The following NRXN1 variants were observed in gnomAD, a reference collection of about 807,000 sequenced individuals.
The protein encoded by NRXN1 is neurexin-1.
NRXN1 carries 39 observed loss-of-function variants against 150.9 expected under a neutral mutation model. The ratio of observed to expected loss-of-function variants is 0.26; its 90% CI spans 0.20 to 0.34. The LOEUF is 0.34. Ranked by LOEUF, NRXN1 falls within the 10% of genes least tolerant of loss-of-function variation. The pLI is 1.00. For synonymous variants in NRXN1, 924 were observed against 757.0 expected (o/e 1.22, Z -3.62); for missense variants, 1,815 against 1,949.9 (o/e 0.93, Z 1.30).
intron 5 of NRXN1, among the ~76,000 whole-genome samples, chr2:50,665,885 T>A (rs1559096036): frequency 6.6e-6 from 1 of 151,982 alleles, no homozygotes; most frequent in African/African-American, 2.4e-5. Context: ...TTTATAAGCA[T>A]CTTCTTAAGA....
chr2:50,352,772 A>ATAC (rs2078509628), intron 17 of NRXN1, among the ~76,000 whole-genome samples: 1 of 96,068 alleles, frequency 1.0e-5, no homozygotes, highest in African/African-American at 3.7e-5. Context: ...AATAATAATA[A>ATAC]TAATATTATA....
At chr2:50,371,660 C>T (rs1381491915) in intron 17 of NRXN1, among the ~76,000 whole-genome samples, 1 of 151,944 alleles carries the variant, frequency 6.6e-6, no homozygotes, top group Admixed American at 6.6e-5. Context: ...ATTGTGTGTG[C>T]ACAGCTGTGC....
At chr2:50,097,474 C>G (rs1700375069) in intron 18 of NRXN1, among the ~76,000 whole-genome samples, 1 of 152,088 alleles carries the variant, frequency 6.6e-6, no homozygotes, top group South Asian at 2.1e-4. Flanking sequence ...TTTGCTTCTC[C>G]AGAGACTAAT....
chr2:50,924,233 G>A (rs1184772109), intron 3 of NRXN1, among the ~76,000 whole-genome samples: 2 of 151,662 alleles, frequency 1.3e-5, no homozygotes, highest in Admixed American at 1.3e-4. Context: ...CAATAAGGAT[G>A]GAAATTCACT....
chr2:50,370,834 C>T (rs540212298), intron 17 of NRXN1, among the ~76,000 whole-genome samples: 11 of 152,036 alleles, frequency 7.2e-5, no homozygotes, highest in African/African-American at 2.7e-4. Context: ...CTACTTAATT[C>T]CTTTGCTCTG....
intron 5 of NRXN1, chr2:50,919,815 T>A: frequency 6.1e-6 from 1 of 162,958 alleles, no homozygotes; most frequent in South Asian, 1.3e-4. Flanking sequence ...TAAGACAGAC[T>A]TGGATTGATG....
intron 22 of NRXN1, among the ~76,000 whole-genome samples, chr2:49,941,066 C>T (rs1258087263): frequency 6.6e-6 from 1 of 151,800 alleles, no homozygotes; most frequent in Non-Finnish European, 1.5e-5. Context: ...GACTTTGGTG[C>T]AGTAGAACAG....
At chr2:49,982,281 T>C (rs779863215) in intron 21 of NRXN1, among the ~76,000 whole-genome samples, 19 of 152,160 alleles carry the variant, frequency 1.2e-4, no homozygotes, top group Non-Finnish European at 1.9e-4. Context: ...TGAATGATGG[T>C]AGAGTTAATT....
rs535902232 is a variant in NRXN1 at position 50,884,399 on chromosome 2, G to C, written c.832+37470C>G. On this transcript the variant is annotated intron_variant, in intron 5 of 22. Coordinates refer to ENST00000401669, the MANE Select transcript of NRXN1 (RefSeq NM_001330078.2). ...CTAAATGAATACTTAAAATGAACTTGAGAAATGAGCTTTCAAATAATGCAT... is the reference window on the plus strand; with the variant it reads ...CTAAATGAATACTTAAAATGAACTTCAGAAATGAGCTTTCAAATAATGCAT... Among the ~76,000 whole-genome samples, 3 of 151,786 alleles carry C rather than the reference G, an allele frequency of 2.0e-5. No homozygotes were observed. The East Asian group carries it at 5.8e-4, about 30-fold the overall frequency.
At chr2:50,595,187 G>A (rs1164999056) in intron 8 of NRXN1, among the ~76,000 whole-genome samples, 1 of 152,052 alleles carries the variant, frequency 6.6e-6, no homozygotes, top group Non-Finnish European at 1.5e-5. Context: ...ACCTCAGTGT[G>A]CTGAGTATAA....
At chr2:50,769,224 C>G (rs925141811) in intron 5 of NRXN1, among the ~76,000 whole-genome samples, 1 of 152,020 alleles carries the variant, frequency 6.6e-6, no homozygotes, top group Non-Finnish European at 1.5e-5. Flanking sequence ...AAAAACACCT[C>G]TTTCCACCTA....
chr2:50,047,620 C>T (rs1249127774), intron 21 of NRXN1, among the ~76,000 whole-genome samples: 1 of 152,076 alleles, frequency 6.6e-6, no homozygotes, highest in African/African-American at 2.4e-5. Context: ...TTGATACCTA[C>T]ATCTCGAATA....
At chr2:50,638,731 T>C (rs1291966966) in intron 5 of NRXN1, among the ~76,000 whole-genome samples, 1 of 152,162 alleles carries the variant, frequency 6.6e-6, no homozygotes. Flanking sequence ...TTAAAGATCA[T>C]TTTCCTTGAC....
chr2:50,614,081 G>C (rs557593115), intron 8 of NRXN1, among the ~76,000 whole-genome samples: 18 of 152,128 alleles, frequency 1.2e-4, no homozygotes, highest in African/African-American at 4.3e-4. Flanking sequence ...TGAGGGATGA[G>C]GCATATGGGA....
intron 21 of NRXN1, among the ~76,000 whole-genome samples, chr2:49,954,394 C>G (rs902865577): frequency 2.6e-5 from 4 of 152,132 alleles, no homozygotes; most frequent in Admixed American, 2.0e-4. Context: ...TGCACAGACT[C>G]AGGGATACTT....
intron 8 of NRXN1, among the ~76,000 whole-genome samples, chr2:50,581,988 C>G (rs2103662864): frequency 6.6e-6 from 1 of 152,188 alleles, no homozygotes; most frequent in South Asian, 2.1e-4. Context: ...TCTAGTACAT[C>G]ATCACAGAGA....
chr2:50,462,525 G>A (rs1317259587), intron 17 of NRXN1, among the ~76,000 whole-genome samples: 1 of 151,770 alleles, frequency 6.6e-6, no homozygotes, highest in African/African-American at 2.4e-5. Context: ...CTAAAATTTG[G>A]TATTGATATG....
intron 8 of NRXN1, among the ~76,000 whole-genome samples, chr2:50,579,656 T>TA (rs999698338): frequency 1.8e-4 from 27 of 151,888 alleles, no homozygotes; most frequent in South Asian, 8.3e-4. Context: ...AATACAAAAA[T>TA]AAAAAAATAT....
At chr2:50,651,295 T>C (rs1348838498) in intron 5 of NRXN1, among the ~76,000 whole-genome samples, 1 of 151,904 alleles carries the variant, frequency 6.6e-6, no homozygotes, top group Non-Finnish European at 1.5e-5. Context: ...CTTTATGAGA[T>C]TTTCTAAAGA....
Sources: gnomAD v4.1 joint callset for allele counts (sites outside exome capture counted in the v4.1 genomes callset) on GRCh38, gnomAD v4.1.1 for gene constraint, MANE v1.5 for transcripts, NCBI Gene and HGNC (gene_info 2026-07-23, HGNC 2026-07-21) for gene names.